The following STK33 variants were observed in gnomAD, a reference collection of about 807,000 sequenced individuals.
STK33 encodes serine/threonine-protein kinase 33.
STK33 carries 52 observed loss-of-function variants against 58.0 expected under a neutral mutation model. The ratio of observed to expected loss-of-function variants is 0.90; its 90% CI spans 0.72 to 1.13. The LOEUF is 1.13. Ranked by LOEUF, STK33 falls within the 50% of genes most tolerant of loss-of-function variation. The pLI, the probability that STK33 is intolerant of heterozygous loss-of-function variation, is 0.00. For synonymous variants in STK33, 215 were observed against 200.1 expected, an observed-to-expected ratio of 1.07 and a Z score of -0.63; for missense variants, 630 against 604.2, an observed-to-expected ratio of 1.04 and a Z score of -0.45.
chr11:8,450,209 T>C (rs1407981890), intron 11 of STK33, among the ~76,000 whole-genome samples: 1 of 152,118 alleles, frequency 6.6e-6, no homozygotes, highest in Non-Finnish European at 1.5e-5. Flanking sequence ...AGATACACCA[T>C]GGAATACTAT....
the STK33 span, among the ~76,000 whole-genome samples, chr11:8,351,428 C>T: frequency 1.3e-5 from 2 of 152,238 alleles, no homozygotes; most frequent in African/African-American, 2.4e-5. Context: ...TCAGCCTCTG[C>T]CCGCCCCACC....
At chr11:8,499,882 G>C (rs991962092) in intron 1 of STK33, among the ~76,000 whole-genome samples, 4 of 152,036 alleles carry the variant, frequency 2.6e-5, no homozygotes, top group African/African-American at 9.7e-5. Flanking sequence ...AGAACACATG[G>C]ACACAGGGAG....
intron 2 of STK33, among the ~76,000 whole-genome samples, chr11:8,477,489 A>G (rs1054567165): frequency 2.6e-5 from 4 of 152,158 alleles, no homozygotes; most frequent in African/African-American, 4.8e-5. Flanking sequence ...GGTACTTTTT[A>G]TAAGAAATTG....
chr11:8,526,086 C>T (rs901444487), intron 1 of STK33, among the ~76,000 whole-genome samples: 6 of 152,074 alleles, frequency 3.9e-5, no homozygotes, highest in Non-Finnish European at 7.4e-5. Flanking sequence ...AAAGAGAACT[C>T]GCATACACTA....
rs577511166 is a variant in STK33 at position 8,487,149 on chromosome 11, C to T, written c.-465-6535G>A. Among the ~76,000 whole-genome samples the T allele has an allele frequency of 2.6e-5, 4 of 152,212 alleles. No homozygotes were observed. The South Asian group carries it at 6.2e-4, about 24-fold the overall frequency. ...TAAGAGTTATTTCACAGAGGCCGGG[C>T]ACAGTGGCTCATGACTGTAATCCTA... is the stretch of plus-strand genomic sequence containing the variant. On this transcript the variant is annotated intron_variant, in intron 1 of 15. Transcript: ENST00000687296.
intron 6 of STK33, among the ~76,000 whole-genome samples, chr11:8,468,083 G>A (rs1202261699): frequency 6.6e-6 from 1 of 152,162 alleles, no homozygotes; most frequent in African/African-American, 2.4e-5. Flanking sequence ...AAAATAAAGA[G>A]GTTCATTGGA....
chr11:8,456,174 G>C (rs375009802), intron 9 of STK33, among the ~76,000 whole-genome samples: 2 of 152,136 alleles, frequency 1.3e-5, no homozygotes, highest in African/African-American at 4.8e-5. Flanking sequence ...TAGCTTAATA[G>C]GGAAGGACTG....
intron 1 of STK33, among the ~76,000 whole-genome samples, chr11:8,526,766 C>T (rs1354531232): frequency 2.7e-5 from 4 of 146,496 alleles, no homozygotes; most frequent in Non-Finnish European, 4.5e-5. Context: ...CACACACACA[C>T]ACAAAAAGAA....
intron 15 of STK33, among the ~76,000 whole-genome samples, chr11:8,402,373 C>G (rs1481467149): frequency 6.6e-6 from 1 of 151,860 alleles, no homozygotes; most frequent in Non-Finnish European, 1.5e-5. Context: ...GGACAAAAAA[C>G]CAAACACCAC....
intron 14 of STK33, among the ~76,000 whole-genome samples, chr11:8,424,974 A>C (rs1217075236): frequency 1.5e-5 from 2 of 133,080 alleles, no homozygotes; most frequent in African/African-American, 5.9e-5. Context: ...TGCTGCCCAG[A>C]AGCTCTTCAG....
intron 1 of STK33, among the ~76,000 whole-genome samples, chr11:8,560,986 C>T (rs1214004812): frequency 6.6e-6 from 1 of 152,166 alleles, no homozygotes; most frequent in Non-Finnish European, 1.5e-5. Flanking sequence ...TTTTACAAAC[C>T]TCTACCTATT....
At chr11:8,541,624 T>C (rs766221073) in intron 1 of STK33, among the ~76,000 whole-genome samples, 8 of 152,302 alleles carry the variant, frequency 5.3e-5, no homozygotes, top group Non-Finnish European at 1.2e-4. Flanking sequence ...ACTATATATT[T>C]TGAAATTTAA....
chr11:8,384,082 A>G, the STK33 span, among the ~76,000 whole-genome samples: 2 of 152,258 alleles, frequency 1.3e-5, no homozygotes, highest in Non-Finnish European at 2.9e-5. Flanking sequence ...AAGAGAGTGA[A>G]GGCACAAGCT....
chr11:8,392,791 T>C, intron 15 of STK33, 81 bp from the exon 16 acceptor site: 1 of 1,473,460 alleles, frequency 6.8e-7, no homozygotes, highest in Non-Finnish European at 9.3e-7. Flanking sequence ...TACAAAGTTG[T>C]CCAGGATTTG....
chr11:8,384,502 T>C, the STK33 span, among the ~76,000 whole-genome samples: 36,284 of 152,164 alleles, frequency 0.24, 4,527 homozygotes, highest in South Asian at 0.36. Flanking sequence ...GGCTTAAACG[T>C]CTCCTTGTGG....
chr11:8,362,001 C>T, the STK33 span, among the ~76,000 whole-genome samples: 21 of 152,284 alleles, frequency 1.4e-4, no homozygotes, highest in African/African-American at 4.6e-4. Flanking sequence ...GCCTCATTGC[C>T]CCAGATGTGA....
chr11:8,458,669 T>G (rs758941986), intron 8 of STK33, among the ~76,000 whole-genome samples: 26 of 152,100 alleles, frequency 1.7e-4, no homozygotes, highest in Non-Finnish European at 3.2e-4. Flanking sequence ...TAAGATCACT[T>G]TAGGTATTCC....
chr11:8,516,029 C>T lies in STK33; in HGVS notation c.-465-35415G>A, dbSNP rs183331715. ...GATTAAACGCAATCCTTACCAATAT[C>T]CCAACAGCATTTTTTACAAAAAGAA... On this transcript the variant is annotated intron_variant, in intron 1 of 15. Transcript: ENST00000687296. Among the ~76,000 whole-genome samples the T allele has an allele frequency of 7.2e-5, 11 of 152,278 alleles. No homozygotes were observed. In the East Asian group the frequency reaches 2.1e-3, roughly 29 times the overall value.
chr11:8,545,129 C>G (rs976660786), intron 1 of STK33, among the ~76,000 whole-genome samples: 2 of 152,108 alleles, frequency 1.3e-5, no homozygotes, highest in African/African-American at 4.8e-5. Flanking sequence ...CCAAATGAAC[C>G]AATGAATAAG....
Sources: allele counts gnomAD v4.1 joint callset (sites outside exome capture counted in the v4.1 genomes callset), GRCh38; gene constraint gnomAD v4.1.1; transcripts MANE v1.5; gene names NCBI Gene and HGNC (gene_info 2026-07-23, HGNC 2026-07-21).